Variants in COL10A1 observed in about 807,000 individuals in gnomAD.
COL10A1 encodes the protein collagen type X alpha 1 chain.
In COL10A1, 10 loss-of-function variants were observed where a neutral mutation model predicts 18.2. The observed-to-expected ratio is 0.55, with a 90% CI of 0.34 to 0.93. The LOEUF (loss-of-function observed/expected upper bound fraction) is 0.93, where lower values mean the gene tolerates loss of function less well. Among genes scored for constraint, COL10A1 ranks in the 40% least tolerant of loss-of-function variants. The probability of loss-of-function intolerance (pLI) is 0.02; values close to 1 mark genes in which losing one functional copy is unlikely to be tolerated. For synonymous variants in COL10A1, 330 were observed against 316.6 expected (o/e 1.04, Z -0.45); for missense variants, 897 against 853.5 (o/e 1.05, Z -0.64).
intron 1 of COL10A1, among the ~76,000 whole-genome samples, chr6:116,151,366 C>T (rs1780032812): frequency 6.6e-6 from 1 of 152,136 alleles, no homozygotes; most frequent in Admixed American, 6.5e-5. Flanking sequence ...CAAAATTGTA[C>T]AGGAAGAAAG....
At chr6:116,141,078 A>C (rs1217586501) in intron 1 of COL10A1, among the ~76,000 whole-genome samples, 1 of 152,152 alleles carries the variant, frequency 6.6e-6, no homozygotes, top group East Asian at 1.9e-4. Flanking sequence ...ATAAGGGTAC[A>C]CCCACTTGGT....
chr6:116,136,411 A>G (rs1465530002), intron 1 of COL10A1, among the ~76,000 whole-genome samples: 1 of 152,012 alleles, frequency 6.6e-6, no homozygotes, highest in African/African-American at 2.4e-5. Flanking sequence ...GATTCTTCTA[A>G]TTCTAAAAAC....
At chr6:116,154,980 G>A (rs1023150607) in intron 1 of COL10A1, among the ~76,000 whole-genome samples, 3 of 152,128 alleles carry the variant, frequency 2.0e-5, no homozygotes, top group African/African-American at 7.2e-5. Flanking sequence ...TGTTCTTTCT[G>A]TTTAACTTTT....
chr6:116,181,724 A>G, the COL10A1 span, among the ~76,000 whole-genome samples: 1 of 152,146 alleles, frequency 6.6e-6, no homozygotes, highest in Non-Finnish European at 1.5e-5. Flanking sequence ...CTGTGCAAAA[A>G]AAAAGTGCAC....
chr6:116,182,201 G>A, the COL10A1 span, among the ~76,000 whole-genome samples: 1 of 137,230 alleles, frequency 7.3e-6, no homozygotes, highest in African/African-American at 2.8e-5. Context: ...TCTTTTTATG[G>A]CTGAGTAGTA....
chr6:116,163,141 A>AAAAATATATATATAT (rs761718922), upstream of COL10A1, among the ~76,000 whole-genome samples: 12 of 88,394 alleles, frequency 1.4e-4, no homozygotes, highest in African/African-American at 6.3e-4. Flanking sequence ...AAAAAAAAAA[A>AAAAATATATATATAT]ATATATATAT....
At chr6:116,197,996 G>A in the COL10A1 span, among the ~76,000 whole-genome samples, 1 of 151,982 alleles carries the variant, frequency 6.6e-6, no homozygotes, top group Non-Finnish European at 1.5e-5. Context: ...ATGGCCCCAG[G>A]GCACCTAGCT....
chr6:116,151,194 C>T (rs1332809460), intron 1 of COL10A1, among the ~76,000 whole-genome samples: 2 of 152,158 alleles, frequency 1.3e-5, no homozygotes, highest in African/African-American at 4.8e-5. Flanking sequence ...ACTTCAGTGC[C>T]TGCACCATCA....
chr6:116,183,874 A>G, the COL10A1 span, among the ~76,000 whole-genome samples: 2 of 151,952 alleles, frequency 1.3e-5, no homozygotes, highest in African/African-American at 4.8e-5. Flanking sequence ...CTCTTTGCCA[A>G]TTTGGATACC....
At chr6:116,125,648 A>G (rs1779279860) in intron 1 of COL10A1, 141 bp from the exon 2 acceptor site, 1 of 670,336 alleles carries the variant, frequency 1.5e-6, no homozygotes, top group South Asian at 2.0e-5. Flanking sequence ...CCATAAATAA[A>G]TGAGAGATCA....
the COL10A1 span, among the ~76,000 whole-genome samples, chr6:116,170,551 A>C: frequency 6.6e-6 from 1 of 152,186 alleles, no homozygotes; most frequent in Non-Finnish European, 1.5e-5. Flanking sequence ...ACTCATAATA[A>C]GTAATCAGTG....
the COL10A1 span, among the ~76,000 whole-genome samples, chr6:116,178,100 C>CGT: frequency 9.1e-3 from 938 of 102,930 alleles, 8 homozygotes; most frequent in South Asian, 0.015. Flanking sequence ...CGCGCGCGCG[C>CGT]GCGTGCGTGC....
At chr6:116,191,450 G>C in the COL10A1 span, among the ~76,000 whole-genome samples, 1 of 152,090 alleles carries the variant, frequency 6.6e-6, no homozygotes, top group Non-Finnish European at 1.5e-5. Flanking sequence ...ATGTTTTACA[G>C]TGTAAGAGGT....
chr6:116,121,632 C>T lies in COL10A1; in HGVS notation c.484G>A (p.Gly162Arg), dbSNP rs548773444. The T allele has an allele frequency of 6.2e-7, 1 of 1,613,976 alleles. No homozygotes were observed. Among genetic ancestry groups the T allele is most frequent in the East Asian group, 2.2e-5 (1 of 44,868 alleles). ...ISVPGKPGQQ[G>R]PTGAPGPRGF... ...CTGGGTCCTGGGGCTCCTGTGGGTCCCTGTTGTCCAGGTTTTCCTGGCACA... is the reference window on the plus strand; with the variant it reads ...CTGGGTCCTGGGGCTCCTGTGGGTCTCTGTTGTCCAGGTTTTCCTGGCACA... The change falls in exon 3 of 3, where the codon GGA (glycine) becomes AGA (arginine). Residue 162 changes from glycine to arginine, a missense_variant. Coordinates refer to ENST00000651968, the MANE Select transcript of COL10A1 (RefSeq NM_000493.4).
At chr6:116,143,885 T>G (rs1779826624) in intron 1 of COL10A1, among the ~76,000 whole-genome samples, 1 of 152,224 alleles carries the variant, frequency 6.6e-6, no homozygotes. Flanking sequence ...GTGTTTTCTC[T>G]GTTAGATTTT....
At chr6:116,162,260 C>CTTTCTTTATTTCCA, upstream of COL10A1, among the ~76,000 whole-genome samples, 1 of 152,206 alleles carries the variant, frequency 6.6e-6, no homozygotes, top group East Asian at 1.9e-4. Flanking sequence ...GATTTGGATG[C>CTTTCTTTATTTCCA]CTTTAATTTC....
Position 116,135,052 on chromosome 6 carries a change from T to C in COL10A1, c.-15-9545A>G, listed in dbSNP as rs147762999. On this transcript the variant is annotated intron_variant, in intron 1 of 1. Transcript: ENST00000418500. ...TTATCTTTTACTCATCTGTACCCCA[T>C]TTACTTATTGATACATTGATTTATT... is the stretch of plus-strand genomic sequence containing the variant. Among the ~76,000 whole-genome samples, 460 of 152,314 alleles carry C rather than the reference T, an allele frequency of 3.0e-3. 2 individuals carry two copies. The highest frequency in any genetic ancestry group is 0.01 in the African/African-American group (435 of 41,588).
At chr6:116,141,259 T>A (rs937580079) in intron 1 of COL10A1, among the ~76,000 whole-genome samples, 3 of 150,904 alleles carry the variant, frequency 2.0e-5, no homozygotes, top group Admixed American at 1.3e-4. Context: ...CTACTTTTTA[T>A]CAGATTTTTT....
the COL10A1 span, among the ~76,000 whole-genome samples, chr6:116,166,478 G>A: frequency 2.8e-3 from 423 of 152,278 alleles, 3 homozygotes; most frequent in Non-Finnish European, 2.2e-3. Context: ...TTCTGTAAAT[G>A]GTATTGGGAA....
Sources: gnomAD v4.1 joint callset for allele counts (sites outside exome capture counted in the v4.1 genomes callset) on GRCh38, gnomAD v4.1.1 for gene constraint, MANE v1.5 for transcripts, NCBI Gene and HGNC (gene_info 2026-07-23, HGNC 2026-07-21) for gene names.